Variants in IFT74 observed in about 807,000 individuals in gnomAD.
IFT74 encodes the protein intraflagellar transport 74, also known as intraflagellar transport protein 74 homolog.
Under a neutral mutation model 96.7 loss-of-function variants are expected in IFT74, and 92 were observed. The ratio of observed to expected loss-of-function variants is 0.95; its 90% CI spans 0.80 to 1.13. The LOEUF (loss-of-function observed/expected upper bound fraction) is 1.13. Ranked by LOEUF, IFT74 falls within the 50% of genes most tolerant of loss-of-function variation. The pLI is 0.00. For missense variants in IFT74, 811 were observed against 698.2 expected, an observed-to-expected ratio of 1.16 and a Z score of -1.82; for synonymous variants, 223 against 213.2, an observed-to-expected ratio of 1.05 and a Z score of -0.40.
At chr9:26,953,201 C>T (rs977887702), upstream of IFT74, among the ~76,000 whole-genome samples, 1 of 152,112 alleles carries the variant, frequency 6.6e-6, no homozygotes, top group African/African-American at 2.4e-5. Context: ...TTTCCCCCTT[C>T]ATCAAATGCC....
upstream of IFT74, among the ~76,000 whole-genome samples, chr9:26,954,229 G>A (rs779539231): frequency 2.0e-5 from 3 of 152,166 alleles, no homozygotes; most frequent in Non-Finnish European, 4.4e-5. Flanking sequence ...GACTGAAGTC[G>A]CTCTAATGCA....
At chr9:27,030,531 G>A (rs1830071639) in intron 13 of IFT74, among the ~76,000 whole-genome samples, 1 of 124,264 alleles carries the variant, frequency 8.0e-6, no homozygotes, top group Non-Finnish European at 1.6e-5. Context: ...CTGGGTGACA[G>A]AGCAAGACTC....
In IFT74 at chr9:26,984,359, A is replaced by C; in HGVS notation, c.404+4A>C. ...TATATTTGTCATATGAAAAGAGGTG[A>C]GTAATAAGTATTCAGTATTCATTCA... On this transcript the variant is annotated splice_donor_region_variant and intron_variant, in intron 5 of 19. Coordinates refer to ENST00000380062, the MANE Select transcript of IFT74 (RefSeq NM_025103.4). The C allele has an allele frequency of 6.3e-7, 1 of 1,582,342 alleles. No homozygotes were observed. Among genetic ancestry groups the C allele is most frequent in the Non-Finnish European group, 8.6e-7 (1 of 1,162,700 alleles).
intron 1 of IFT74, among the ~76,000 whole-genome samples, chr9:26,960,492 G>A (rs766303768): frequency 6.6e-6 from 1 of 152,040 alleles, no homozygotes; most frequent in Non-Finnish European, 1.5e-5. Context: ...AGCTCTTTTT[G>A]TTTAAATTTT....
chr9:26,999,672 A>G, intron 8 of IFT74: 1 of 1,601,464 alleles, frequency 6.2e-7, no homozygotes, highest in Non-Finnish European at 8.5e-7. Flanking sequence ...CCAAAAGAGG[A>G]TTGTGATGCC....
At chr9:26,996,133 G>T (rs959272539) in intron 8 of IFT74, among the ~76,000 whole-genome samples, 1 of 152,116 alleles carries the variant, frequency 6.6e-6, no homozygotes, top group Non-Finnish European at 1.5e-5. Flanking sequence ...TTTGCACGAT[G>T]GCATTTGGCT....
chr9:26,993,214 G>T (rs1164818300), intron 8 of IFT74: 1 of 152,054 alleles, frequency 6.6e-6, no homozygotes, highest in Non-Finnish European at 1.5e-5. Context: ...AAGCTTAAGT[G>T]TAGTCTTTGC....
At chr9:26,950,758 C>T (rs1825908319) in intron 1 of IFT74, among the ~76,000 whole-genome samples, 3 of 152,198 alleles carry the variant, frequency 2.0e-5, no homozygotes, top group South Asian at 4.1e-4. Flanking sequence ...CTGTTTAATA[C>T]TTTAATGTGT....
At chr9:26,991,525 C>G (rs1827871306) in intron 8 of IFT74, among the ~76,000 whole-genome samples, 1 of 152,106 alleles carries the variant, frequency 6.6e-6, no homozygotes, top group African/African-American at 2.4e-5. Context: ...CGGCCACCAT[C>G]TATCATTTGC....
At chr9:26,992,692 CAAA>C (rs759740948) in intron 8 of IFT74, among the ~76,000 whole-genome samples, 6 of 133,476 alleles carry the variant, frequency 4.5e-5, no homozygotes, top group Non-Finnish European at 9.8e-5. Context: ...GACTTTGTCT[CAAA>C]AAAAAAAAAA....
At chr9:26,952,279 C>CT (rs1825958254), upstream of IFT74, among the ~76,000 whole-genome samples, 2 of 141,630 alleles carry the variant, frequency 1.4e-5, no homozygotes, top group Non-Finnish European at 1.6e-5. Flanking sequence ...TTTTTTTTAA[C>CT]CTTTTTTTTT....
At position 27,060,666 on chromosome 9, in the gene IFT74, G is replaced by A; in HGVS notation, c.1684+15G>A. On this transcript the variant is annotated intron_variant, in intron 19 of 19. Transcript: ENST00000380062. ...GATGAAAGAATGTATCCTTTAAAAA[G>A]CTGAAAATGGGGCCGGGTGCGGTGG... The A allele has an allele frequency of 1.3e-6, 2 of 1,586,650 alleles. No individual in the cohort carries two copies. Among genetic ancestry groups the A allele is most frequent in the Non-Finnish European group, 8.6e-7 (1 of 1,162,044 alleles).
chr9:26,991,837 T>C (rs940848779), intron 8 of IFT74, among the ~76,000 whole-genome samples: 22 of 152,216 alleles, frequency 1.4e-4, no homozygotes, highest in African/African-American at 5.1e-4. Flanking sequence ...AAGACCATCC[T>C]GGCCAACACG....
At chr9:26,975,153 G>A (rs928439107) in intron 2 of IFT74, among the ~76,000 whole-genome samples, 2 of 152,150 alleles carry the variant, frequency 1.3e-5, no homozygotes, top group African/African-American at 2.4e-5. Context: ...TGCCTGAGGG[G>A]GAGGGTCAGG....
chr9:27,007,906 C>T (rs73643128), intron 8 of IFT74, among the ~76,000 whole-genome samples: 7,202 of 152,228 alleles, frequency 0.047, 231 homozygotes, highest in South Asian at 0.13. Context: ...TGGCATCTTA[C>T]CTATTCTTTT....
intron 8 of IFT74, among the ~76,000 whole-genome samples, chr9:27,001,402 G>T (rs1188224521): frequency 1.3e-5 from 2 of 152,004 alleles, no homozygotes; most frequent in South Asian, 4.2e-4. Context: ...CTCCAGAGTG[G>T]CTATACTAAT....
chr9:27,009,781 G>A (rs1030554264), intron 9 of IFT74, among the ~76,000 whole-genome samples: 11 of 151,854 alleles, frequency 7.2e-5, no homozygotes, highest in African/African-American at 2.7e-4. Context: ...GATTTGAATG[G>A]CTATTGTCCT....
At chr9:26,969,617 A>G (rs1004285267) in intron 2 of IFT74, among the ~76,000 whole-genome samples, 2 of 151,890 alleles carry the variant, frequency 1.3e-5, no homozygotes, top group Admixed American at 6.5e-5. Flanking sequence ...TCATTTTGTT[A>G]GTTGTTTTTA....
intron 2 of IFT74, among the ~76,000 whole-genome samples, chr9:26,967,779 T>A (rs1385872946): frequency 6.6e-6 from 1 of 152,174 alleles, no homozygotes; most frequent in African/African-American, 2.4e-5. Context: ...CTATACCTGG[T>A]TTTTTGAGGA....
Sources: allele counts gnomAD v4.1 joint callset (sites outside exome capture counted in the v4.1 genomes callset), GRCh38; gene constraint gnomAD v4.1.1; transcripts MANE v1.5; gene names NCBI Gene and HGNC (gene_info 2026-07-23, HGNC 2026-07-21).